Variants in MAD1L1 observed in about 807,000 individuals in gnomAD.
MAD1L1 encodes the protein mitotic spindle assembly checkpoint protein MAD1.
MAD1L1 carries 95 observed loss-of-function variants against 96.9 expected under a neutral mutation model. That is an observed-to-expected ratio of 0.98 (90% CI 0.83 to 1.16). The LOEUF (loss-of-function observed/expected upper bound fraction) is 1.16. Among genes scored for constraint, MAD1L1 ranks in the 50% most tolerant of loss-of-function variants. The pLI is 0.00. For missense variants in MAD1L1, 1,007 were observed against 954.4 expected (o/e 1.06, Z -0.73); for synonymous variants, 473 against 396.6 (o/e 1.19, Z -2.29).
At chr7:1,889,888 G>A (rs553964990) in intron 18 of MAD1L1, among the ~76,000 whole-genome samples, 1 of 152,336 alleles carries the variant, frequency 6.6e-6, no homozygotes, top group South Asian at 2.1e-4. Flanking sequence ...CTCAGAGCTG[G>A]GGGGCCTGCT....
intron 17 of MAD1L1, among the ~76,000 whole-genome samples, chr7:1,906,626 A>C (rs933061184): frequency 8.5e-5 from 13 of 152,334 alleles, no homozygotes; most frequent in African/African-American, 2.6e-4. Context: ...CCTGCAGTGC[A>C]ACTGGGCCTC....
At chr7:2,018,974 C>CT (rs1782663417) in intron 12 of MAD1L1, among the ~76,000 whole-genome samples, 2 of 152,300 alleles carry the variant, frequency 1.3e-5, no homozygotes, top group African/African-American at 2.4e-5. Flanking sequence ...ACAACTTCTC[C>CT]TTTTTTTAGA....
chr7:2,104,902 C>A (rs55807033), intron 11 of MAD1L1, among the ~76,000 whole-genome samples: 17 of 152,180 alleles, frequency 1.1e-4, no homozygotes, highest in Middle Eastern at 3.2e-3. Flanking sequence ...TAGGTCCCCC[C>A]GCAAGCCCTG....
chr7:1,892,367 A>G (rs533086140), intron 18 of MAD1L1, among the ~76,000 whole-genome samples: 3 of 152,342 alleles, frequency 2.0e-5, no homozygotes, highest in East Asian at 3.9e-4. Flanking sequence ...GCGAGACCGT[A>G]CTAGACTTAC....
intron 10 of MAD1L1, among the ~76,000 whole-genome samples, chr7:2,162,033 C>A (rs1790171118): frequency 6.6e-6 from 1 of 151,408 alleles, no homozygotes; most frequent in Admixed American, 6.6e-5. Flanking sequence ...CACCCGGCCG[C>A]CCCGTCTGGG....
rs1285522975 is a variant in MAD1L1, at chr7:2,032,769, A to AG, written c.1219-18128dup. On this transcript the variant is annotated intron_variant, in intron 12 of 18. Coordinates refer to ENST00000265854, the MANE Select transcript of MAD1L1 (RefSeq NM_001013836.2). ...TCAGGCCAGCTCCTAGCAAGTGGTG[A>AG]GGGGGGTGGCGCCGGCCTGCTCTCC... Among the ~76,000 whole-genome samples, 3 of 152,120 alleles carry AG rather than the reference A, an allele frequency of 2.0e-5. No individual in the cohort carries two copies. In the East Asian group the frequency reaches 5.8e-4, roughly 29 times the overall value.
chr7:2,046,440 G>A (rs899749031), intron 12 of MAD1L1, among the ~76,000 whole-genome samples: 2 of 128,468 alleles, frequency 1.6e-5, no homozygotes, highest in Non-Finnish European at 3.2e-5. Flanking sequence ...GACAGGCTCC[G>A]GCTGGGGCAC....
chr7:1,882,752 C>G (rs905272648), intron 18 of MAD1L1, among the ~76,000 whole-genome samples: 67 of 152,246 alleles, frequency 4.4e-4, no homozygotes, highest in African/African-American at 1.5e-3. Flanking sequence ...CCCTCGCCCC[C>G]CTTCCCACCG....
At chr7:2,133,651 C>T (rs191527118) in intron 11 of MAD1L1, among the ~76,000 whole-genome samples, 83 of 152,326 alleles carry the variant, frequency 5.4e-4, no homozygotes, top group African/African-American at 1.9e-3. Flanking sequence ...ATTTCCGCCG[C>T]TATCTTCTAG....
chr7:2,201,696 C>T (rs17132323), intron 10 of MAD1L1, among the ~76,000 whole-genome samples: 7,901 of 152,232 alleles, frequency 0.052, 706 homozygotes, highest in African/African-American at 0.18. Context: ...CCGGACACGC[C>T]GCAGAGCACT....
intron 10 of MAD1L1, among the ~76,000 whole-genome samples, chr7:2,178,900 AAAG>A (rs1350533562): frequency 6.6e-6 from 1 of 151,812 alleles, no homozygotes; most frequent in African/African-American, 2.4e-5. Context: ...AAAAAAAAAA[AAAG>A]AAAAGAAAAG....
intron 10 of MAD1L1, among the ~76,000 whole-genome samples, chr7:2,173,890 G>A (rs747683107): frequency 9.9e-5 from 15 of 152,218 alleles, no homozygotes; most frequent in Non-Finnish European, 1.8e-4. Context: ...CCTCCACCTC[G>A]TGGGCTCAAG....
intron 12 of MAD1L1, among the ~76,000 whole-genome samples, chr7:2,031,167 G>C (rs149974515): frequency 6.6e-6 from 1 of 152,318 alleles, no homozygotes; most frequent in Non-Finnish European, 1.5e-5. Flanking sequence ...AGGCCGCTCA[G>C]AGAGGAAGCA....
intron 11 of MAD1L1, among the ~76,000 whole-genome samples, chr7:2,132,902 G>A (rs1376636770): frequency 6.6e-6 from 1 of 152,184 alleles, no homozygotes; most frequent in African/African-American, 2.4e-5. Context: ...CATGGGGGTG[G>A]GTCCCTCATG....
chr7:2,220,585 G>C (rs1793547951), intron 5 of MAD1L1, among the ~76,000 whole-genome samples: 1 of 152,190 alleles, frequency 6.6e-6, no homozygotes, highest in Admixed American at 6.5e-5. Context: ...AAACGACCTG[G>C]GTGGGCCTGG....
intron 16 of MAD1L1, among the ~76,000 whole-genome samples, chr7:1,946,185 G>C (rs1779221052): frequency 6.6e-6 from 1 of 152,340 alleles, no homozygotes; most frequent in Admixed American, 6.5e-5. Context: ...TGTGCATTCT[G>C]GCAGGACGCC....
At chr7:2,071,200 T>C (rs1785110186) in intron 11 of MAD1L1, among the ~76,000 whole-genome samples, 1 of 147,140 alleles carries the variant, frequency 6.8e-6, no homozygotes, top group Admixed American at 6.7e-5. Context: ...ACGGGGTTTT[T>C]AACTGTAACT....
chr7:2,011,484 G>A (rs1274008433), intron 13 of MAD1L1, among the ~76,000 whole-genome samples: 3 of 152,218 alleles, frequency 2.0e-5, no homozygotes, highest in Admixed American at 2.0e-4. Flanking sequence ...GCTCCCCTGA[G>A]GCAGGAACCC....
At chr7:2,095,436 C>T (rs945649375) in intron 11 of MAD1L1, among the ~76,000 whole-genome samples, 5 of 152,202 alleles carry the variant, frequency 3.3e-5, no homozygotes, top group African/African-American at 1.2e-4. Flanking sequence ...TCCACACACC[C>T]TTAACTTCAA....
Sources: allele counts gnomAD v4.1 joint callset (sites outside exome capture counted in the v4.1 genomes callset), GRCh38; gene constraint gnomAD v4.1.1; transcripts MANE v1.5; gene names NCBI Gene and HGNC (gene_info 2026-07-23, HGNC 2026-07-21).